The following OCA2 variants were observed in gnomAD, a reference collection of about 807,000 sequenced individuals.
OCA2 encodes OCA2 melanosomal transmembrane protein, also known as P protein.
In OCA2, 77 loss-of-function variants were observed where a neutral mutation model predicts 100.2. The observed-to-expected ratio is 0.77, with a 90% CI of 0.64 to 0.93. The LOEUF (loss-of-function observed/expected upper bound fraction) is 0.93, where lower values mean the gene tolerates loss of function less well. OCA2 is among the 40% of genes least tolerant of loss of function. The pLI, the probability that OCA2 is intolerant of heterozygous loss-of-function variation, is 0.00. For missense variants in OCA2, 1,062 were observed against 1,089.1 expected (o/e 0.98, Z 0.35); for synonymous variants, 432 against 439.2 (o/e 0.98, Z 0.21).
intron 5 of OCA2, among the ~76,000 whole-genome samples, chr15:28,022,837 G>T (rs1350752168): frequency 6.6e-6 from 1 of 152,148 alleles, no homozygotes; most frequent in Non-Finnish European, 1.5e-5. Context: ...ATCGAAGAAG[G>T]ATAAATGTGG....
chr15:28,022,850 T>C (rs1489527684), intron 5 of OCA2, among the ~76,000 whole-genome samples: 5 of 152,232 alleles, frequency 3.3e-5, no homozygotes, highest in Admixed American at 2.6e-4. Context: ...AAATGTGGTT[T>C]TCTCACAATG....
chr15:28,029,432 G>A (rs1223795496), intron 3 of OCA2, among the ~76,000 whole-genome samples: 1 of 152,022 alleles, frequency 6.6e-6, no homozygotes, highest in Non-Finnish European at 1.5e-5. Flanking sequence ...TTTCTTATAA[G>A]AAGACAGAGG....
chr15:27,935,385 T>A (rs750840067), intron 18 of OCA2, among the ~76,000 whole-genome samples: 2 of 152,024 alleles, frequency 1.3e-5, no homozygotes, highest in Non-Finnish European at 2.9e-5. Context: ...TCCAACAGAG[T>A]CAAGTTTCTA....
At chr15:27,732,359 T>C in the OCA2 span, among the ~76,000 whole-genome samples, 3 of 152,096 alleles carry the variant, frequency 2.0e-5, no homozygotes, top group East Asian at 5.8e-4. Context: ...CCCGGAGACA[T>C]GGAAGAGAGC....
chr15:27,929,825 A>AAATTTTTTTTTTTT (rs71132826), intron 18 of OCA2, among the ~76,000 whole-genome samples: 104 of 148,900 alleles, frequency 7.0e-4, no homozygotes, highest in Middle Eastern at 3.5e-3. Flanking sequence ...CAAATGGGAA[A>AAATTTTTTTTTTTT]TATTTTAAAC....
intron 19 of OCA2, among the ~76,000 whole-genome samples, chr15:27,899,631 C>T (rs895836111): frequency 1.3e-4 from 20 of 152,134 alleles, no homozygotes; most frequent in African/African-American, 3.9e-4. Context: ...TATTCTACAG[C>T]GAAGGCAGTG....
At chr15:27,984,413 C>T (rs1322728096) in intron 13 of OCA2, among the ~76,000 whole-genome samples, 1 of 152,208 alleles carries the variant, frequency 6.6e-6, no homozygotes, top group Non-Finnish European at 1.5e-5. Context: ...ACCTGCTCAT[C>T]CACACAGCCC....
At chr15:28,088,661 G>A (rs1247594376) in intron 1 of OCA2, among the ~76,000 whole-genome samples, 3 of 152,176 alleles carry the variant, frequency 2.0e-5, no homozygotes, top group African/African-American at 7.2e-5. Context: ...GATGCCCCCT[G>A]AGCCGTAAAA....
chr15:28,027,180 G>A (rs1490112562), intron 4 of OCA2, among the ~76,000 whole-genome samples: 1 of 152,198 alleles, frequency 6.6e-6, no homozygotes, highest in Non-Finnish European at 1.5e-5. Context: ...TACTGCCCGC[G>A]CACACGCTCG....
intron 23 of OCA2, among the ~76,000 whole-genome samples, chr15:27,816,577 G>A (rs1012385407): frequency 6.6e-6 from 1 of 152,054 alleles, no homozygotes; most frequent in East Asian, 1.9e-4. Context: ...ATAAAGCTGC[G>A]TGACTTCGCA....
At chr15:27,806,643 C>A (rs941512162) in intron 23 of OCA2, among the ~76,000 whole-genome samples, 1 of 152,230 alleles carries the variant, frequency 6.6e-6, no homozygotes, top group East Asian at 1.9e-4. Context: ...CTGTCCCTCC[C>A]GGCACTGATG....
At position 27,942,241 on chromosome 15, in the gene OCA2, T is replaced by G. The variant is rs114696619; in HGVS notation, c.1951+9543A>C. On this transcript the variant is annotated intron_variant, in intron 18 of 23. Coordinates refer to ENST00000354638, the MANE Select transcript of OCA2 (RefSeq NM_000275.3). ...TATATGATATTATATATGATATACA[T>G]ACGATATACATAATATATATGATAT... is the stretch of plus-strand genomic sequence containing the variant. 2.9e-3 allele frequency among the ~76,000 whole-genome samples: 435 copies of G among 148,462 alleles called. 5 individuals carry two copies. The highest frequency in any genetic ancestry group is 0.01 in the African/African-American group (419 of 40,884).
At chr15:27,727,519 G>A in the OCA2 span, among the ~76,000 whole-genome samples, 1 of 152,178 alleles carries the variant, frequency 6.6e-6, no homozygotes, top group Admixed American at 6.5e-5. Context: ...GGAGATTTTA[G>A]GCTTAAAAAC....
chr15:27,755,290 C>G lies in OCA2; in HGVS notation c.*98G>C, dbSNP rs2030250098. The G allele has an allele frequency of 1.2e-6, 1 of 865,296 alleles. No homozygotes were observed. The highest frequency in any genetic ancestry group is 2.0e-6 in the Non-Finnish European group (1 of 512,526). The allele number at this position is 865,296 out of a possible 1,614,324, so 53.6% of individuals were successfully genotyped here. A position where few individuals can be genotyped will look rare whatever the true frequency, so the allele number is the denominator to read the frequency against. ...TCTGTAGCATCTCCAGGGTAAGCAC[C>G]TTTTCTTCTTCAAACAGTGGGGTCA... On this transcript the variant is annotated 3_prime_UTR_variant, in exon 24 of 24. Transcript: ENST00000354638.
intron 19 of OCA2, among the ~76,000 whole-genome samples, chr15:27,912,263 G>A (rs2038426200): frequency 6.6e-6 from 1 of 152,148 alleles, no homozygotes. Context: ...CATCTAAATT[G>A]CTACACACAC....
At chr15:27,994,075 A>C (rs1212307129) in intron 9 of OCA2, among the ~76,000 whole-genome samples, 3 of 152,168 alleles carry the variant, frequency 2.0e-5, no homozygotes, top group Non-Finnish European at 4.4e-5. Flanking sequence ...AGATGCTTTA[A>C]AGCAGGGGTC....
At chr15:27,887,723 CA>C (rs1029047046) in intron 19 of OCA2, among the ~76,000 whole-genome samples, 4 of 150,382 alleles carry the variant, frequency 2.7e-5, no homozygotes, top group African/African-American at 9.8e-5. Context: ...AGCACAGCTG[CA>C]GGGTGCATTT....
chr15:27,817,670 C>T (rs1383024850), intron 23 of OCA2, among the ~76,000 whole-genome samples: 1 of 152,132 alleles, frequency 6.6e-6, no homozygotes, highest in African/African-American at 2.4e-5. Context: ...CGGGTCTCCT[C>T]CCAGCTCCTC....
chr15:27,739,159 A>C, the OCA2 span, among the ~76,000 whole-genome samples: 1 of 152,134 alleles, frequency 6.6e-6, no homozygotes, highest in African/African-American at 2.4e-5. Flanking sequence ...GTGATGAAAA[A>C]TGAGAAGTGG....
Sources: gnomAD v4.1 joint callset for allele counts (sites outside exome capture counted in the v4.1 genomes callset) on GRCh38, gnomAD v4.1.1 for gene constraint, MANE v1.5 for transcripts, NCBI Gene and HGNC (gene_info 2026-07-23, HGNC 2026-07-21) for gene names.